Variants in RARB observed in about 807,000 individuals in gnomAD.
RARB encodes HBV-activated protein.
RARB carries 17 observed loss-of-function variants against 51.9 expected under a neutral mutation model. The ratio of observed to expected loss-of-function variants is 0.33; its 90% CI spans 0.22 to 0.49. RARB has a LOEUF of 0.49. RARB is among the 20% of genes least tolerant of loss of function. The pLI, the probability that RARB is intolerant of heterozygous loss-of-function variation, is 0.99. For synonymous variants in RARB, 215 were observed against 195.4 expected (o/e 1.10, Z -0.84); for missense variants, 369 against 550.8 (o/e 0.67, Z 3.30).
chr3:25,396,428 A>C (rs1019073218), intron 5 of RARB, among the ~76,000 whole-genome samples: 2 of 152,162 alleles, frequency 1.3e-5, no homozygotes, highest in Non-Finnish European at 1.5e-5. Flanking sequence ...TCTTTCTTCA[A>C]GTGGGGTTGT....
At chr3:25,040,869 C>G (rs1224708673) in intron 2 of RARB, among the ~76,000 whole-genome samples, 1 of 152,142 alleles carries the variant, frequency 6.6e-6, no homozygotes, top group Admixed American at 6.5e-5. Flanking sequence ...GATAGGCTGC[C>G]TGGTCTAAGG....
chr3:25,476,883 G>A (rs1695976517), intron 2 of RARB, among the ~76,000 whole-genome samples: 2 of 152,194 alleles, frequency 1.3e-5, no homozygotes, highest in South Asian at 4.1e-4. Context: ...TCCCACTAGT[G>A]TGTAAGTGCT....
chr3:24,906,047 C>T (rs766364524), intron 2 of RARB, among the ~76,000 whole-genome samples: 1 of 152,066 alleles, frequency 6.6e-6, no homozygotes, highest in Non-Finnish European at 1.5e-5. Flanking sequence ...GGTCTTAGTT[C>T]CTCTCAGAAA....
At chr3:25,392,221 G>A (rs1575366575) in intron 5 of RARB, among the ~76,000 whole-genome samples, 1 of 152,102 alleles carries the variant, frequency 6.6e-6, no homozygotes, top group East Asian at 1.9e-4. Flanking sequence ...TTATTTCTGA[G>A]TTCTCCATTT....
rs192456755 is a variant in RARB, at chr3:25,114,375, A to G, written c.-327-17786A>G. Among the ~76,000 whole-genome samples the G allele has an allele frequency of 2.6e-5, 4 of 152,264 alleles. No homozygotes were observed. In the East Asian group the frequency reaches 5.8e-4, roughly 22 times the overall value. ...CCTACCACTGAGCTACTCCACTTGG[A>G]AATAATTGAGAGTTTTCACTAGTTT... On this transcript the variant is annotated intron_variant, in intron 3 of 11. Transcript: ENST00000383772.
chr3:24,833,440 T>C (rs901064234), intron 1 of RARB, among the ~76,000 whole-genome samples: 7 of 152,218 alleles, frequency 4.6e-5, no homozygotes, highest in Non-Finnish European at 7.3e-5. Flanking sequence ...TTAGGTAATA[T>C]CTTTCATTCT....
At chr3:25,118,501 G>A (rs373567606) in intron 3 of RARB, among the ~76,000 whole-genome samples, 9 of 152,106 alleles carry the variant, frequency 5.9e-5, no homozygotes, top group African/African-American at 2.2e-4. Flanking sequence ...CAAAGATATA[G>A]CTTTGGAGGA....
intron 5 of RARB, among the ~76,000 whole-genome samples, chr3:25,395,556 T>C (rs991450017): frequency 3.3e-5 from 5 of 152,196 alleles, no homozygotes; most frequent in African/African-American, 1.2e-4. Context: ...GGTTTGGTTG[T>C]TTAACATAAT....
intron 5 of RARB, among the ~76,000 whole-genome samples, chr3:25,277,602 T>C (rs941676932): frequency 2.6e-5 from 4 of 152,236 alleles, no homozygotes; most frequent in Non-Finnish European, 5.9e-5. Context: ...TTATGCAATG[T>C]TATAGTTGTG....
At chr3:25,529,772 A>T (rs1480165659) in intron 3 of RARB, among the ~76,000 whole-genome samples, 1 of 152,254 alleles carries the variant, frequency 6.6e-6, no homozygotes, top group African/African-American at 2.4e-5. Flanking sequence ...GGTAAAGTAT[A>T]GCTCAGTTGA....
At chr3:25,284,198 T>C (rs761361653) in intron 5 of RARB, among the ~76,000 whole-genome samples, 1 of 152,060 alleles carries the variant, frequency 6.6e-6, no homozygotes, top group African/African-American at 2.4e-5. Context: ...AGGAACTGAA[T>C]CCTGCAAAGA....
intron 2 of RARB, among the ~76,000 whole-genome samples, chr3:24,973,399 A>T (rs1696443571): frequency 6.6e-6 from 1 of 152,060 alleles, no homozygotes; most frequent in African/African-American, 2.4e-5. Flanking sequence ...GTACAATAGT[A>T]TAATGCCCCC....
intron 2 of RARB, among the ~76,000 whole-genome samples, chr3:25,044,099 A>C (rs891874574): frequency 6.6e-6 from 1 of 152,164 alleles, no homozygotes; most frequent in Non-Finnish European, 1.5e-5. Context: ...AACAGAAGGT[A>C]AACAAGTTCA....
At chr3:25,359,631 TA>T (rs1014604437) in intron 5 of RARB, among the ~76,000 whole-genome samples, 9 of 152,210 alleles carry the variant, frequency 5.9e-5, no homozygotes, top group Admixed American at 3.3e-4. Context: ...AATTTCCCTC[TA>T]AACACTACTT....
intron 2 of RARB, among the ~76,000 whole-genome samples, chr3:25,031,119 C>T (rs1238401347): frequency 2.0e-5 from 3 of 152,154 alleles, no homozygotes; most frequent in Non-Finnish European, 4.4e-5. Flanking sequence ...GCATCCCCGG[C>T]CTCAACTCAC....
At chr3:25,493,970 A>C (rs1490375321) in intron 2 of RARB, among the ~76,000 whole-genome samples, 1 of 152,194 alleles carries the variant, frequency 6.6e-6, no homozygotes, top group Non-Finnish European at 1.5e-5. Flanking sequence ...TTGCACTGTT[A>C]CTTTAGAAAG....
At position 25,597,803 on chromosome 3, in the gene RARB, C is replaced by CTGTGA. The variant is rs578226135; in HGVS notation, c.*1191_*1195dup. On this transcript the variant is annotated 3_prime_UTR_variant, in exon 8 of 8. Coordinates refer to ENST00000330688, the MANE Select transcript of RARB (RefSeq NM_000965.5). Reference sequence around the variant, plus strand: ...TTTTTTTTTTGATATATTAGCAAGTCTGTGATGTACTTTCACTGGCTCTGT... The same window carrying CTGTGA: ...TTTTTTTTTTGATATATTAGCAAGTCTGTGATGTGATGTACTTTCACTGGCTCTGT... 3.3e-3 allele frequency: 503 copies of CTGTGA among 151,982 alleles called. 2 individuals are homozygous for CTGTGA. The highest frequency in any genetic ancestry group is 4.4e-3 in the Non-Finnish European group (300 of 67,946). The allele number at this position is 151,982 out of a possible 1,614,324, so 9.4% of individuals were successfully genotyped here.
chr3:25,202,710 A>G (rs1048527829), intron 5 of RARB, among the ~76,000 whole-genome samples: 6 of 152,142 alleles, frequency 3.9e-5, no homozygotes, highest in African/African-American at 1.4e-4. Context: ...GTCATTCAGG[A>G]GCAGGTTGTT....
intron 3 of RARB, among the ~76,000 whole-genome samples, chr3:25,529,374 T>C (rs182743379): frequency 1.3e-5 from 2 of 152,128 alleles, no homozygotes; most frequent in Non-Finnish European, 2.9e-5. Context: ...TGAAATTGTA[T>C]AGTAGAAAAA....
Sources: allele counts gnomAD v4.1 joint callset (sites outside exome capture counted in the v4.1 genomes callset), GRCh38; gene constraint gnomAD v4.1.1; transcripts MANE v1.5; gene names NCBI Gene and HGNC (gene_info 2026-07-23, HGNC 2026-07-21).